Variants in DOCK3 observed in about 807,000 individuals in gnomAD.
DOCK3 encodes dedicator of cytokinesis 3, also known as dedicator of cytokinesis protein 3.
DOCK3 carries 60 observed loss-of-function variants against 265.6 expected under a neutral mutation model. The ratio of observed to expected loss-of-function variants is 0.23; its 90% CI spans 0.18 to 0.28. The LOEUF (loss-of-function observed/expected upper bound fraction) is 0.28. Ranked by LOEUF, DOCK3 falls within the 10% of genes least tolerant of loss-of-function variation. DOCK3 has a pLI of 1.00. For synonymous variants in DOCK3, 881 were observed against 938.0 expected (o/e 0.94, Z 1.11); for missense variants, 1,981 against 2,594.3 (o/e 0.76, Z 5.14).
At chr3:51,350,010 A>T (rs2085868829) in intron 39 of DOCK3, among the ~76,000 whole-genome samples, 1 of 152,234 alleles carries the variant, frequency 6.6e-6, no homozygotes, top group South Asian at 2.1e-4. Context: ...TATAGGGCTG[A>T]GTCCATTCCC....
At chr3:51,362,863 C>T (rs1011386118) in intron 49 of DOCK3, among the ~76,000 whole-genome samples, 189 bp downstream of exon 49, 5 of 152,228 alleles carry the variant, frequency 3.3e-5, no homozygotes, top group African/African-American at 7.2e-5. Flanking sequence ...CTTCAGACTC[C>T]GCTCTGAGCA....
chr3:51,215,658 C>A (rs2089741515), intron 14 of DOCK3, among the ~76,000 whole-genome samples: 1 of 152,144 alleles, frequency 6.6e-6, no homozygotes, highest in South Asian at 2.1e-4. Context: ...CAGCTGCCTT[C>A]CAACTTTCCA....
intron 1 of DOCK3, among the ~76,000 whole-genome samples, chr3:50,711,453 A>G (rs987951228): frequency 6.6e-6 from 1 of 151,818 alleles, no homozygotes; most frequent in Non-Finnish European, 1.5e-5. Flanking sequence ...TAGTAGAGAC[A>G]GGGTTTCACC....
rs1282032682 is a variant in DOCK3 at position 51,312,531 on chromosome 3, A to G, written c.3149A>G (p.Gln1050Arg). Residue 1050 changes from glutamine (Q) to arginine (R), a missense_variant, in exon 30 of 53, where the codon CAG (glutamine) becomes CGG (arginine). This residue lies in a region of DOCK3 where 1,357 missense variants were observed against 1,866.8 expected (regional missense o/e 0.73). Transcript: ENST00000266037. ...CTATTCATAAATCAGCCAAGCCTTC[A>G]GCTAGAAATTATCACCTCAGCCAAA... ...AVLFINQPSL[Q>R]LEIITSAKRK... 5 of 1,602,410 alleles carry G rather than the reference A, an allele frequency of 3.1e-6. No homozygotes were observed. Among genetic ancestry groups the G allele is most frequent in the Non-Finnish European group, 4.2e-6 (5 of 1,177,448 alleles).
At chr3:51,160,866 G>C (rs2086093332) in intron 12 of DOCK3, among the ~76,000 whole-genome samples, 164 bp downstream of exon 12, 1 of 152,062 alleles carries the variant, frequency 6.6e-6, no homozygotes, top group African/African-American at 2.4e-5. Context: ...CACAAGGTCA[G>C]GAAATCGAGA....
intron 1 of DOCK3, among the ~76,000 whole-genome samples, chr3:50,689,629 C>T (rs942040924): frequency 5.3e-5 from 8 of 152,156 alleles, no homozygotes; most frequent in African/African-American, 1.9e-4. Flanking sequence ...ACAGCCAAAC[C>T]ATATCAGCCA....
intron 1 of DOCK3, among the ~76,000 whole-genome samples, chr3:50,700,085 T>G (rs1454974700): frequency 6.6e-6 from 1 of 151,980 alleles, no homozygotes; most frequent in Admixed American, 6.6e-5. Context: ...TCGAGACCAG[T>G]CTGGCCAACA....
At chr3:51,127,139 C>T (rs1003647389) in intron 9 of DOCK3, among the ~76,000 whole-genome samples, 1 of 152,220 alleles carries the variant, frequency 6.6e-6, no homozygotes, top group Admixed American at 6.5e-5. Flanking sequence ...GTGGCTAGGC[C>T]AGTCTCTCTT....
At chr3:51,287,904 A>T (rs2081499342) in intron 27 of DOCK3, among the ~76,000 whole-genome samples, 1 of 152,252 alleles carries the variant, frequency 6.6e-6, no homozygotes, top group African/African-American at 2.4e-5. Context: ...TCAGTGGTAG[A>T]CTAGATAAAG....
chr3:50,737,500 G>T (rs1234688636), intron 1 of DOCK3, among the ~76,000 whole-genome samples: 1 of 152,166 alleles, frequency 6.6e-6, no homozygotes, highest in African/African-American at 2.4e-5. Context: ...ATAATTTGAT[G>T]TGAGATTTGG....
intron 35 of DOCK3, among the ~76,000 whole-genome samples, chr3:51,337,583 G>C (rs2084955768): frequency 6.6e-6 from 1 of 152,180 alleles, no homozygotes; most frequent in Non-Finnish European, 1.5e-5. Flanking sequence ...TGGCACTCTG[G>C]CTGGCATAGG....
At chr3:51,068,560 A>AAAAAAAAAAAAAAAAAAAGAAG (rs529031027) in intron 6 of DOCK3, among the ~76,000 whole-genome samples, 3 of 82,416 alleles carry the variant, frequency 3.6e-5, no homozygotes, top group Admixed American at 1.8e-4. Flanking sequence ...AAAAAAAAAA[A>AAAAAAAAAAAAAAAAAAAGAAG]AAGAAGAAGA....
chr3:50,804,072 C>T (rs759024907), intron 2 of DOCK3, among the ~76,000 whole-genome samples: 41 of 149,000 alleles, frequency 2.8e-4, no homozygotes, highest in South Asian at 4.3e-4. Flanking sequence ...GGGTCGCGGC[C>T]GGGCAGAGGC....
chr3:50,981,495 T>G (rs1457620822), intron 5 of DOCK3, among the ~76,000 whole-genome samples: 1 of 152,252 alleles, frequency 6.6e-6, no homozygotes, highest in Non-Finnish European at 1.5e-5. Flanking sequence ...CCAATGTTTC[T>G]TTGTTGATTT....
intron 4 of DOCK3, among the ~76,000 whole-genome samples, chr3:50,912,450 G>A (rs1229123263): frequency 6.6e-6 from 1 of 152,112 alleles, no homozygotes; most frequent in East Asian, 1.9e-4. Flanking sequence ...TGGCTACTGT[G>A]TATGTTTGCT....
chr3:50,920,357 T>G (rs4688693), intron 4 of DOCK3, among the ~76,000 whole-genome samples: 23,603 of 152,116 alleles, frequency 0.16, 2,261 homozygotes, highest in African/African-American at 0.26. Flanking sequence ...GGTCGAATTT[T>G]GCTGTGAATC....
intron 7 of DOCK3, among the ~76,000 whole-genome samples, chr3:51,080,071 T>C (rs1279553337): frequency 6.6e-6 from 1 of 152,252 alleles, no homozygotes; most frequent in African/African-American, 2.4e-5. Flanking sequence ...TTGTATATGC[T>C]TCATCCTTTC....
intron 5 of DOCK3, among the ~76,000 whole-genome samples, chr3:51,001,908 A>C (rs1334125182): frequency 6.6e-6 from 1 of 151,664 alleles, no homozygotes; most frequent in Admixed American, 6.6e-5. Context: ...GCATCTTTTC[A>C]TGACTCATTT....
At chr3:51,088,239 T>C (rs1166722056) in intron 7 of DOCK3, among the ~76,000 whole-genome samples, 1 of 152,034 alleles carries the variant, frequency 6.6e-6, no homozygotes, top group Non-Finnish European at 1.5e-5. Context: ...AGATAGGGAA[T>C]AAAAAAGTGG....
Sources: allele counts gnomAD v4.1 joint callset (sites outside exome capture counted in the v4.1 genomes callset), GRCh38; gene constraint gnomAD v4.1.1; regional missense constraint gnomAD v4.1.1; transcripts MANE v1.5; gene names NCBI Gene and HGNC (gene_info 2026-07-23, HGNC 2026-07-21).